ACOXL: variants seen among roughly 807,000 people sequenced by gnomAD.
The protein encoded by ACOXL is acyl-coenzyme A oxidase-like protein.
A neutral mutation model predicts 71.9 loss-of-function variants in ACOXL; 70 were observed. That is an observed-to-expected ratio of 0.97 (90% CI 0.80 to 1.19). The LOEUF (loss-of-function observed/expected upper bound fraction) is 1.19. ACOXL is among the 50% of genes most tolerant of loss of function. ACOXL has a pLI of 0.00. For missense variants in ACOXL, 703 were observed against 736.3 expected, an observed-to-expected ratio of 0.95 and a Z score of 0.52; for synonymous variants, 253 against 281.6, an observed-to-expected ratio of 0.90 and a Z score of 1.02.
intron 12 of ACOXL, chr2:110,963,586 TGTGTGTGTGTGTGTGTG>T: frequency 1.3e-6 from 2 of 1,489,644 alleles, no homozygotes; most frequent in South Asian, 1.2e-5. Context: ...TGTGTGTGTG[TGTGTGTGTGTGTGTGTG>T]TTTTTCTCTT....
chr2:110,987,880 C>G (rs903215445), intron 13 of ACOXL, among the ~76,000 whole-genome samples: 4 of 152,104 alleles, frequency 2.6e-5, no homozygotes, highest in Non-Finnish European at 5.9e-5. Context: ...TGATATTTTG[C>G]ATGATGCTGT....
intron 1 of ACOXL, among the ~76,000 whole-genome samples, chr2:110,768,039 G>C (rs1681341343): frequency 1.3e-5 from 2 of 151,918 alleles, no homozygotes; most frequent in African/African-American, 4.8e-5. Context: ...GGCTGAGGCA[G>C]GAGAATCGCT....
At chr2:110,967,972 C>A in intron 12 of ACOXL, 2 of 928,778 alleles carry the variant, frequency 2.2e-6, no homozygotes, top group Non-Finnish European at 3.5e-6. Context: ...ATACAACACA[C>A]CCAAATATAG....
intron 14 of ACOXL, among the ~76,000 whole-genome samples, chr2:111,030,943 A>G (rs2065237376): frequency 6.6e-6 from 1 of 152,114 alleles, no homozygotes; most frequent in African/African-American, 2.4e-5. Flanking sequence ...CTTCATTCTT[A>G]TTTTACTCTA....
chr2:110,995,533 T>G (rs755876878), intron 13 of ACOXL, among the ~76,000 whole-genome samples: 3 of 144,372 alleles, frequency 2.1e-5, no homozygotes, highest in Non-Finnish European at 3.0e-5. Flanking sequence ...TGTATAATGA[T>G]TGAGTTATAC....
intron 12 of ACOXL, among the ~76,000 whole-genome samples, chr2:110,975,321 T>C (rs908179043): frequency 9.2e-5 from 14 of 152,280 alleles, no homozygotes; most frequent in South Asian, 8.3e-4. Context: ...GTACAATAAA[T>C]GTCTGGGCAC....
At chr2:110,931,816 C>T (rs966021154) in intron 11 of ACOXL, among the ~76,000 whole-genome samples, 2 of 152,118 alleles carry the variant, frequency 1.3e-5, no homozygotes, top group African/African-American at 4.8e-5. Context: ...TATTACACAC[C>T]GCTGGTAGGA....
chr2:111,011,423 C>T (rs550222090), intron 14 of ACOXL, among the ~76,000 whole-genome samples: 3 of 152,168 alleles, frequency 2.0e-5, no homozygotes, highest in African/African-American at 7.2e-5. Context: ...TAAATGGCCC[C>T]AATATTCTAA....
intron 12 of ACOXL, among the ~76,000 whole-genome samples, chr2:110,950,926 C>T (rs150189345): frequency 5.3e-5 from 8 of 152,082 alleles, no homozygotes; most frequent in Non-Finnish European, 8.8e-5. Flanking sequence ...CTCTCTCTCT[C>T]ATAGTCTGAG....
chr2:111,074,836 C>T (rs1272818215), intron 16 of ACOXL, among the ~76,000 whole-genome samples: 1 of 152,180 alleles, frequency 6.6e-6, no homozygotes, highest in Non-Finnish European at 1.5e-5. Context: ...TTCAAGTGAT[C>T]CACTCACCTT....
At chr2:110,867,965 C>T (rs1573910682) in intron 10 of ACOXL, among the ~76,000 whole-genome samples, 1 of 152,006 alleles carries the variant, frequency 6.6e-6, no homozygotes, top group South Asian at 2.1e-4. Flanking sequence ...GTTTAACCAT[C>T]TTGGCTAGGC....
chr2:110,985,404 A>C (rs1279768777), intron 12 of ACOXL, among the ~76,000 whole-genome samples: 2 of 152,214 alleles, frequency 1.3e-5, no homozygotes, highest in Non-Finnish European at 2.9e-5. Flanking sequence ...CGGATCACAT[A>C]ACCTATCTAG....
At chr2:111,046,157 A>T in intron 15 of ACOXL, among the ~76,000 whole-genome samples, 1 of 152,236 alleles carries the variant, frequency 6.6e-6, no homozygotes, top group Non-Finnish European at 1.5e-5. Context: ...GGAACCTAAG[A>T]TGGAGTGCAG....
At chr2:110,748,068 G>A (rs988745140) in intron 1 of ACOXL, among the ~76,000 whole-genome samples, 2 of 152,066 alleles carry the variant, frequency 1.3e-5, no homozygotes, top group African/African-American at 4.8e-5. Flanking sequence ...TCCATCCCCT[G>A]TGAGGCGGCA....
chr2:111,041,747 G>A (rs528398014), intron 15 of ACOXL, among the ~76,000 whole-genome samples: 10 of 152,332 alleles, frequency 6.6e-5, no homozygotes, highest in South Asian at 2.1e-4. Flanking sequence ...CAGGGAGTCC[G>A]TGGGCTCCAG....
intron 2 of ACOXL, among the ~76,000 whole-genome samples, chr2:110,770,712 A>T (rs1206787342): frequency 6.6e-6 from 1 of 151,996 alleles, no homozygotes; most frequent in Non-Finnish European, 1.5e-5. Flanking sequence ...GCTGCCAACC[A>T]CTCTCTCTGT....
At chr2:110,942,040 G>T (rs185131456) in intron 12 of ACOXL, among the ~76,000 whole-genome samples, 53 of 152,218 alleles carry the variant, frequency 3.5e-4, no homozygotes, top group Non-Finnish European at 7.4e-5. Flanking sequence ...TAAAGGCCAG[G>T]AGAGAAGAAA....
chr2:110,981,788 G>A (rs778492935), intron 12 of ACOXL, among the ~76,000 whole-genome samples: 5 of 152,134 alleles, frequency 3.3e-5, no homozygotes, highest in Admixed American at 6.5e-5. Flanking sequence ...GAATAGTTGC[G>A]TGTGCATAGG....
intron 12 of ACOXL, among the ~76,000 whole-genome samples, chr2:110,982,195 G>A (rs544833054): frequency 6.7e-4 from 102 of 151,988 alleles, no homozygotes; most frequent in African/African-American, 2.3e-3. Flanking sequence ...CTTGCTCTGC[G>A]CCCAGGCTGG....
Sources: allele counts gnomAD v4.1 joint callset (sites outside exome capture counted in the v4.1 genomes callset), GRCh38; gene constraint gnomAD v4.1.1; transcripts MANE v1.5; gene names NCBI Gene and HGNC (gene_info 2026-07-23, HGNC 2026-07-21).